The following INPP5F variants were observed in gnomAD, a reference collection of about 807,000 sequenced individuals.
The protein encoded by INPP5F is phosphatidylinositide 4-phosphatase SAC2.
A neutral mutation model predicts 137.2 loss-of-function variants in INPP5F; 97 were observed. The observed-to-expected ratio is 0.71, with a 90% CI of 0.60 to 0.84. The LOEUF (loss-of-function observed/expected upper bound fraction) is 0.84. INPP5F is among the 40% of genes least tolerant of loss of function. INPP5F has a pLI of 0.00. For missense variants in INPP5F, 1,271 were observed against 1,371.9 expected (o/e 0.93, Z 1.16); for synonymous variants, 504 against 476.9 (o/e 1.06, Z -0.74).
At chr10:119,758,317 G>A (rs887433503) in intron 2 of INPP5F, among the ~76,000 whole-genome samples, 6 of 152,160 alleles carry the variant, frequency 3.9e-5, no homozygotes, top group African/African-American at 1.4e-4. Flanking sequence ...GGGTGGGAGC[G>A]GGGAGGCCTT....
chr10:119,745,075 A>C lies in INPP5F; in HGVS notation c.98-6001A>C, dbSNP rs80208649. Among the ~76,000 whole-genome samples, 628 of 152,194 alleles carry C rather than the reference A, an allele frequency of 4.1e-3. 4 individuals carry two copies. Among genetic ancestry groups the C allele is most frequent in the African/African-American group, 0.014 (590 of 41,530 alleles). Reference sequence around the variant, plus strand: ...TGGTTCACAATGCCAAAGATGGAAAAGGGTATTGAATGAGGAGGTTCTCAT... The same window carrying C: ...TGGTTCACAATGCCAAAGATGGAAACGGGTATTGAATGAGGAGGTTCTCAT... On this transcript the variant is annotated intron_variant, in intron 1 of 19. Coordinates refer to ENST00000650623, the MANE Select transcript of INPP5F (RefSeq NM_014937.4).
At chr10:119,791,461 G>A (rs535803614) in intron 3 of INPP5F, 56 bp from the exon 4 acceptor site, 19 of 1,416,876 alleles carry the variant, frequency 1.3e-5, no homozygotes, top group Admixed American at 1.3e-4. Context: ...TTTTGCACTC[G>A]AACATTTAAC....
chr10:119,810,261 C>CT, intron 14 of INPP5F, 44 bp downstream of exon 14: 1 of 1,015,846 alleles, frequency 9.8e-7, no homozygotes, highest in Non-Finnish European at 1.5e-6. Flanking sequence ...TTTATGTCTT[C>CT]TGTGACTAAT....
chr10:119,803,442 T>G (rs1355419270), intron 9 of INPP5F, among the ~76,000 whole-genome samples: 6 of 152,216 alleles, frequency 3.9e-5, no homozygotes, highest in Non-Finnish European at 8.8e-5. Context: ...GATTCTTCAG[T>G]GTTTACATAG....
At chr10:119,780,988 T>C (rs949410398) in intron 2 of INPP5F, among the ~76,000 whole-genome samples, 2 of 152,304 alleles carry the variant, frequency 1.3e-5, no homozygotes, top group African/African-American at 4.8e-5. Context: ...AATAATATAT[T>C]CAGGTTATCT....
intron 1 of INPP5F, among the ~76,000 whole-genome samples, chr10:119,730,488 A>G (rs1848025285): frequency 6.6e-6 from 1 of 152,252 alleles, no homozygotes; most frequent in African/African-American, 2.4e-5. Context: ...AGAGTCTAAT[A>G]TCTCAGGATA....
At chr10:119,820,320 A>G (rs760355506) in intron 15 of INPP5F, among the ~76,000 whole-genome samples, 9 of 152,238 alleles carry the variant, frequency 5.9e-5, no homozygotes, top group Non-Finnish European at 1.2e-4. Flanking sequence ...ATAATCTATA[A>G]TGACAAAAAT....
At chr10:119,795,641 C>T (rs921468488) in intron 6 of INPP5F, among the ~76,000 whole-genome samples, 13 of 152,078 alleles carry the variant, frequency 8.5e-5, no homozygotes, top group South Asian at 2.1e-4. Context: ...CGATGGGTGG[C>T]CAGGCGGAGA....
chr10:119,727,423 A>G (rs1367794663), intron 1 of INPP5F, among the ~76,000 whole-genome samples: 4 of 152,222 alleles, frequency 2.6e-5, no homozygotes, highest in South Asian at 2.1e-4. Context: ...ATTATTTCCA[A>G]TCCCCACAGC....
chr10:119,792,099 T>G, intron 5 of INPP5F, 58 bp from the exon 6 acceptor site: 1 of 1,614,152 alleles, frequency 6.2e-7, no homozygotes, highest in East Asian at 2.2e-5. Flanking sequence ...CTGTTTTGGC[T>G]TTTGTAGGAA....
At chr10:119,763,760 GT>G (rs2134146267) in intron 2 of INPP5F, among the ~76,000 whole-genome samples, 1 of 152,128 alleles carries the variant, frequency 6.6e-6, no homozygotes, top group Non-Finnish European at 1.5e-5. Flanking sequence ...TAACAACTCT[GT>G]CTTTAAGTCA....
chr10:119,824,421 A>G (rs1294302291), intron 19 of INPP5F, among the ~76,000 whole-genome samples: 2 of 152,266 alleles, frequency 1.3e-5, no homozygotes, highest in East Asian at 3.9e-4. Flanking sequence ...CCCTCCATGT[A>G]GGTTTGTCCA....
chr10:119,750,743 A>G (rs991748624), intron 1 of INPP5F, among the ~76,000 whole-genome samples: 2 of 152,186 alleles, frequency 1.3e-5, no homozygotes, highest in Non-Finnish European at 2.9e-5. Flanking sequence ...CCTGTGCTGT[A>G]GGACCACACG....
chr10:119,822,465 C>G lies in INPP5F; in HGVS notation c.1993C>G (p.Gln665Glu). 1 of 1,534,242 alleles carries G rather than the reference C, an allele frequency of 6.5e-7. No individual in the cohort carries two copies. The highest frequency in any genetic ancestry group is 8.9e-7 in the Non-Finnish European group (1 of 1,119,450). ...DDEVDKVNQY[Q>E]RLSLENLEKI... ...TGAAGTTGATAAAGTAAACCAGTATCAACGACTAAGTCTAGAAAACCTGGA... is the reference window on the plus strand; with the variant it reads ...TGAAGTTGATAAAGTAAACCAGTATGAACGACTAAGTCTAGAAAACCTGGA... Residue 665 changes from glutamine to glutamate, a missense_variant, in exon 17 of 20, where the codon CAA (glutamine) becomes GAA (glutamate). By Grantham distance (29) the Gln-to-Glu change is conservative. This residue lies in a region of INPP5F where 593 missense variants were observed against 712.4 expected (regional missense o/e 0.83). Transcript: ENST00000650623.
rs1678815805 is a variant in INPP5F at position 119,819,684 on chromosome 10, G to A, written c.1887-1162G>A. 4 of 466,366 alleles carry A rather than the reference G, an allele frequency of 8.6e-6. No homozygotes were observed. The Admixed American group carries it at 1.6e-4, about 19-fold the overall frequency. 28.9% of individuals were successfully genotyped at this position (466,366 alleles called of 1,614,324 possible). ...TCCTAGAATCGATCTGTGTGTTCCC[G>A]GTCTTGGCATCTCATTATGTCATTT... is the stretch of plus-strand genomic sequence containing the variant. On this transcript the variant is annotated intron_variant, in intron 15 of 19. Coordinates refer to ENST00000650623, the MANE Select transcript of INPP5F (RefSeq NM_014937.4).
At chr10:119,785,813 T>C (rs1849889040) in intron 3 of INPP5F, among the ~76,000 whole-genome samples, 1 of 152,164 alleles carries the variant, frequency 6.6e-6, no homozygotes, top group Admixed American at 6.5e-5. Context: ...GAGCTGTGAT[T>C]GCACCACAGC....
intron 2 of INPP5F, 47 bp from the exon 3 acceptor site, chr10:119,781,588 G>A: frequency 1.3e-6 from 2 of 1,549,266 alleles, no homozygotes; most frequent in Non-Finnish European, 1.8e-6. Flanking sequence ...TGTCAGAACA[G>A]TAGCACTCTA....
At chr10:119,727,757 A>AT (rs2134093782) in intron 1 of INPP5F, among the ~76,000 whole-genome samples, 1 of 152,358 alleles carries the variant, frequency 6.6e-6, no homozygotes, top group Admixed American at 6.5e-5. Flanking sequence ...GGATAGAGTT[A>AT]TTATGGATAG....
Position 119,807,913 on chromosome 10 carries a change from A to T in INPP5F, c.1441-19A>T, listed in dbSNP as rs778744120. ...TTCCTGGCCCATATACAGTTAATCC[A>T]CCAATGTGTTCATTTTAGCTGAAAA... is the stretch of plus-strand genomic sequence containing the variant. On this transcript the variant is annotated intron_variant, in intron 12 of 19. Transcript: ENST00000650623. The T allele has an allele frequency of 1.2e-6, 2 of 1,600,364 alleles. No individual in the cohort carries two copies. The highest frequency in any genetic ancestry group is 8.5e-7 in the Non-Finnish European group (1 of 1,173,524).
Sources: allele counts gnomAD v4.1 joint callset (sites outside exome capture counted in the v4.1 genomes callset), GRCh38; gene constraint gnomAD v4.1.1; regional missense constraint gnomAD v4.1.1; transcripts MANE v1.5; gene names NCBI Gene and HGNC (gene_info 2026-07-23, HGNC 2026-07-21).